Variants in DLGAP2 observed in about 807,000 individuals in gnomAD.
DLGAP2 encodes the protein disks large-associated protein 2.
A neutral mutation model predicts 100.3 loss-of-function variants in DLGAP2; 26 were observed. That is an observed-to-expected ratio of 0.26 (90% CI 0.19 to 0.36). The LOEUF is 0.36. Among genes scored for constraint, DLGAP2 ranks in the 10% least tolerant of loss-of-function variants. DLGAP2 has a pLI of 1.00. For missense variants in DLGAP2, 1,858 were observed against 1,453.2 expected, an observed-to-expected ratio of 1.28 and a Z score of -4.53; for synonymous variants, 886 against 630.1, an observed-to-expected ratio of 1.41 and a Z score of -6.08.
At chr8:1,242,943 A>G (rs11136369) in intron 2 of DLGAP2, among the ~76,000 whole-genome samples, 27,094 of 151,948 alleles carry the variant, frequency 0.18, 2,834 homozygotes, top group Non-Finnish European at 0.25. Flanking sequence ...GGATTGATAG[A>G]TGGATGGATG....
At chr8:818,738 A>T (rs985383497) in intron 1 of DLGAP2, among the ~76,000 whole-genome samples, 1 of 152,252 alleles carries the variant, frequency 6.6e-6, no homozygotes, top group Non-Finnish European at 1.5e-5. Context: ...AAAGAAAATA[A>T]AGAGAAAATT....
intron 2 of DLGAP2, among the ~76,000 whole-genome samples, chr8:1,171,616 T>C (rs1205730804): frequency 6.6e-6 from 1 of 152,240 alleles, no homozygotes; most frequent in East Asian, 1.9e-4. Context: ...CTTGTTGAAT[T>C]GATCCCTTTA....
intron 3 of DLGAP2, among the ~76,000 whole-genome samples, chr8:1,493,332 C>G (rs947296616): frequency 4.0e-5 from 6 of 151,830 alleles, no homozygotes; most frequent in Non-Finnish European, 8.8e-5. Flanking sequence ...CTTTCAGACA[C>G]GCCTCTGTGG....
chr8:1,253,588 C>G (rs1479330607), intron 2 of DLGAP2, among the ~76,000 whole-genome samples: 1 of 152,206 alleles, frequency 6.6e-6, no homozygotes, highest in East Asian at 1.9e-4. Flanking sequence ...CCAGAAAACA[C>G]TGGGCTGGGC....
At chr8:1,483,344 G>A (rs925287490) in intron 3 of DLGAP2, among the ~76,000 whole-genome samples, 7 of 152,314 alleles carry the variant, frequency 4.6e-5, no homozygotes, top group South Asian at 2.1e-4. Context: ...CTGGACGTGC[G>A]TGAGGCCGCG....
intron 8 of DLGAP2, among the ~76,000 whole-genome samples, chr8:1,666,010 T>G (rs1442831855): frequency 2.0e-5 from 3 of 152,154 alleles, no homozygotes; most frequent in Non-Finnish European, 2.9e-5. Flanking sequence ...GAAGCAAGTG[T>G]TTAAACGGAC....
intron 2 of DLGAP2, among the ~76,000 whole-genome samples, chr8:1,153,074 G>A (rs995490110): frequency 6.6e-6 from 1 of 152,076 alleles, no homozygotes; most frequent in African/African-American, 2.4e-5. Flanking sequence ...TTTATTTCAA[G>A]AAACTACCTT....
chr8:949,583 C>T (rs1204761322), intron 2 of DLGAP2, among the ~76,000 whole-genome samples: 3 of 152,194 alleles, frequency 2.0e-5, no homozygotes, highest in Non-Finnish European at 4.4e-5. Context: ...CGTGCCAGGG[C>T]GTGTGCTCCC....
chr8:901,731 G>A (rs552806836), intron 1 of DLGAP2, among the ~76,000 whole-genome samples: 4 of 152,352 alleles, frequency 2.6e-5, no homozygotes, highest in African/African-American at 2.4e-5. Flanking sequence ...AGCACGGGGC[G>A]TCCCCATTGC....
At chr8:1,318,436 G>A (rs916914578) in intron 3 of DLGAP2, among the ~76,000 whole-genome samples, 2 of 150,254 alleles carry the variant, frequency 1.3e-5, no homozygotes, top group Admixed American at 6.7e-5. Context: ...AGTGACCTTC[G>A]TTTCTTCGTA....
chr8:1,699,055 G>A (rs1472408125), intron 14 of DLGAP2, among the ~76,000 whole-genome samples: 1 of 152,240 alleles, frequency 6.6e-6, no homozygotes, highest in Non-Finnish European at 1.5e-5. Context: ...TGAGGTGAAG[G>A]AGATGATCAG....
chr8:1,565,854 C>T lies in DLGAP2; in HGVS notation c.1402C>T (p.Leu468=), dbSNP rs779051609. 6.2e-7 allele frequency: 1 copy of T among 1,612,460 alleles called. No homozygotes were observed. The highest frequency in any genetic ancestry group is 1.1e-5 in the South Asian group (1 of 90,726). ...PKSAILPEPL[L]KSIGQRPLGE... is the part of the protein sequence containing the mutation. ...GTCGGCAATCCTACCAGAGCCGCTG[C>T]TGAAGTCCATCGGACAGAGACCGCT... Residue 468 remains leucine, a synonymous_variant, in exon 6 of 15, where the codon CTG becomes TTG. Coordinates refer to ENST00000637795, the MANE Select transcript of DLGAP2 (RefSeq NM_001346810.2).
chr8:1,031,243 G>A (rs549310141), intron 2 of DLGAP2, among the ~76,000 whole-genome samples: 53 of 152,210 alleles, frequency 3.5e-4, no homozygotes, highest in Non-Finnish European at 5.3e-4. Flanking sequence ...GAGGGCTCCC[G>A]TTTCCTTGAA....
intron 4 of DLGAP2, among the ~76,000 whole-genome samples, chr8:1,517,280 A>G (rs1230773290): frequency 6.6e-6 from 1 of 152,118 alleles, no homozygotes; most frequent in Non-Finnish European, 1.5e-5. Context: ...GCTTGGAAAA[A>G]GGACCCTGAA....
chr8:862,542 T>TC (rs1797413512), intron 1 of DLGAP2, among the ~76,000 whole-genome samples: 1 of 152,120 alleles, frequency 6.6e-6, no homozygotes. Context: ...GACCTCGTGA[T>TC]CTGGCCTCCC....
At chr8:787,675 C>T (rs1424144056) in intron 1 of DLGAP2, among the ~76,000 whole-genome samples, 3 of 152,184 alleles carry the variant, frequency 2.0e-5, no homozygotes, top group Admixed American at 6.5e-5. Context: ...GCTCCGGGCC[C>T]CCTTGCCAAA....
At chr8:1,333,938 G>A (rs887348774) in intron 3 of DLGAP2, among the ~76,000 whole-genome samples, 5 of 152,362 alleles carry the variant, frequency 3.3e-5, no homozygotes, top group East Asian at 3.9e-4. Flanking sequence ...TGCTGAAGGC[G>A]CATATGCGGT....
intron 8 of DLGAP2, among the ~76,000 whole-genome samples, chr8:1,646,375 T>A (rs2469729): frequency 1.3e-5 from 2 of 152,214 alleles, no homozygotes; most frequent in Non-Finnish European, 2.9e-5. Flanking sequence ...TGTATTCACC[T>A]GTGTCTCTAT....
chr8:1,346,792 C>T (rs1206996864), intron 3 of DLGAP2, among the ~76,000 whole-genome samples: 4 of 151,522 alleles, frequency 2.6e-5, no homozygotes, highest in Non-Finnish European at 5.9e-5. Context: ...CTGCTTTGAA[C>T]TCATGGTAGA....
Sources: allele counts gnomAD v4.1 joint callset (sites outside exome capture counted in the v4.1 genomes callset), GRCh38; gene constraint gnomAD v4.1.1; transcripts MANE v1.5; gene names NCBI Gene and HGNC (gene_info 2026-07-23, HGNC 2026-07-21).